The following PPFIBP2 variants were observed in gnomAD, a reference collection of about 807,000 sequenced individuals.
PPFIBP2 encodes PPFIB scaffold protein 2, also known as liprin-beta-2.
Under a neutral mutation model 118.3 loss-of-function variants are expected in PPFIBP2, and 118 were observed. The ratio of observed to expected loss-of-function variants is 1.00; its 90% CI spans 0.86 to 1.16. The LOEUF is 1.16. Ranked by LOEUF, PPFIBP2 falls within the 50% of genes most tolerant of loss-of-function variation. PPFIBP2 has a pLI of 0.00. For missense variants in PPFIBP2, 1,195 were observed against 1,073.1 expected, an observed-to-expected ratio of 1.11 and a Z score of -1.59; for synonymous variants, 414 against 397.4, an observed-to-expected ratio of 1.04 and a Z score of -0.50.
intron 7 of PPFIBP2, among the ~76,000 whole-genome samples, chr11:7,621,725 C>T (rs1311119607): frequency 6.6e-6 from 1 of 152,172 alleles, no homozygotes; most frequent in Non-Finnish European, 1.5e-5. Flanking sequence ...TTACATTAGG[C>T]TACAGTTAGG....
chr11:7,577,735 G>A (rs1564995638), intron 3 of PPFIBP2: 3 of 450,880 alleles, frequency 6.7e-6, no homozygotes, highest in Non-Finnish European at 8.9e-6. Context: ...GTGTGGTAGG[G>A]GGAGGTATTG....
intron 2 of PPFIBP2, among the ~76,000 whole-genome samples, chr11:7,561,585 G>A (rs1463638110): frequency 7.2e-5 from 11 of 151,970 alleles, no homozygotes; most frequent in Admixed American, 7.2e-4. Context: ...TTTTATTTTT[G>A]TGTATGGTGT....
At chr11:7,656,391 G>T (rs1854691365), downstream of PPFIBP2, among the ~76,000 whole-genome samples, 3 of 152,174 alleles carry the variant, frequency 2.0e-5, no homozygotes, top group Non-Finnish European at 4.4e-5. Flanking sequence ...GACAAAACAG[G>T]AAAGTCTCCC....
chr11:7,544,419 T>C (rs2134470967), intron 1 of PPFIBP2, among the ~76,000 whole-genome samples: 1 of 152,294 alleles, frequency 6.6e-6, no homozygotes, highest in African/African-American at 2.4e-5. Context: ...TGTTGATTCC[T>C]CTGTTGTCCA....
intron 1 of PPFIBP2, among the ~76,000 whole-genome samples, chr11:7,541,172 C>T (rs1011844697): frequency 2.0e-5 from 3 of 152,220 alleles, no homozygotes; most frequent in Admixed American, 6.5e-5. Context: ...ATGGCTAGAT[C>T]AGCCATAAAG....
At chr11:7,631,109 C>T (rs1850702304) in intron 11 of PPFIBP2, 81 bp downstream of exon 11, 1 of 1,029,660 alleles carries the variant, frequency 9.7e-7, no homozygotes. Context: ...TCTAGTCAGA[C>T]ACGTGTCAGG....
At chr11:7,549,644 T>C in intron 2 of PPFIBP2, 105 bp downstream of exon 2, 1 of 1,148,726 alleles carries the variant, frequency 8.7e-7, no homozygotes. Flanking sequence ...GAAAATCCCC[T>C]TTTGTTATAT....
chr11:7,517,169 G>A (rs1488698088), intron 1 of PPFIBP2, among the ~76,000 whole-genome samples: 1 of 152,160 alleles, frequency 6.6e-6, no homozygotes, highest in African/African-American at 2.4e-5. Context: ...AAGTGATGAA[G>A]ATTACTGTCC....
At chr11:7,581,005 C>T (rs933726891) in intron 3 of PPFIBP2, among the ~76,000 whole-genome samples, 8 of 152,202 alleles carry the variant, frequency 5.3e-5, no homozygotes, top group African/African-American at 1.9e-4. Context: ...ATATTGAAGA[C>T]CTAGAAAAGG....
intron 5 of PPFIBP2, 98 bp downstream of exon 5, chr11:7,597,771 C>G: frequency 9.9e-7 from 1 of 1,015,034 alleles, no homozygotes; most frequent in Non-Finnish European, 1.5e-6. Context: ...GTCTGCTTTC[C>G]CATCCTGCCT....
chr11:7,540,891 A>T (rs1851706480), intron 1 of PPFIBP2, among the ~76,000 whole-genome samples: 1 of 152,236 alleles, frequency 6.6e-6, no homozygotes, highest in South Asian at 2.1e-4. Flanking sequence ...GCTGGAAAGC[A>T]GTGCAGACAG....
At chr11:7,615,207 CA>C (rs1848488726) in intron 6 of PPFIBP2, among the ~76,000 whole-genome samples, 1 of 151,940 alleles carries the variant, frequency 6.6e-6, no homozygotes, top group South Asian at 2.1e-4. Context: ...CATGGTGGTA[CA>C]CACTTGTAGT....
chr11:7,526,609 C>T (rs562146302), intron 1 of PPFIBP2, among the ~76,000 whole-genome samples: 10 of 152,208 alleles, frequency 6.6e-5, no homozygotes, highest in East Asian at 1.9e-4. Flanking sequence ...CGGTGGCTCA[C>T]GCCTGTAATC....
At chr11:7,518,966 T>C (rs558733552) in intron 1 of PPFIBP2, among the ~76,000 whole-genome samples, 5 of 152,000 alleles carry the variant, frequency 3.3e-5, no homozygotes, top group African/African-American at 1.2e-4. Flanking sequence ...GGAGGACAGA[T>C]AGGGGCGTAA....
chr11:7,551,581 C>T (rs987376257), intron 2 of PPFIBP2, among the ~76,000 whole-genome samples: 6 of 152,126 alleles, frequency 3.9e-5, no homozygotes, highest in Non-Finnish European at 7.4e-5. Context: ...GTGTTGGCTA[C>T]CTTTTGCCTC....
At chr11:7,609,486 A>G (rs1213304615) in intron 5 of PPFIBP2, among the ~76,000 whole-genome samples, 1 of 152,184 alleles carries the variant, frequency 6.6e-6, no homozygotes, top group Non-Finnish European at 1.5e-5. Flanking sequence ...GAGGTCCTTT[A>G]TAATTCATAT....
At chr11:7,565,139 C>T (rs1854808184) in intron 2 of PPFIBP2, among the ~76,000 whole-genome samples, 2 of 152,332 alleles carry the variant, frequency 1.3e-5, no homozygotes, top group East Asian at 3.9e-4. Flanking sequence ...ATACATCAGT[C>T]CCAAAGGGTA....
intron 3 of PPFIBP2, 59 bp downstream of exon 3, chr11:7,565,826 G>T (rs747629300): frequency 6.4e-7 from 1 of 1,563,484 alleles, no homozygotes; most frequent in African/African-American, 1.4e-5. Flanking sequence ...GCAGCCCATG[G>T]AGTGCCACTG....
intron 5 of PPFIBP2, among the ~76,000 whole-genome samples, chr11:7,602,966 T>C (rs922697677): frequency 3.9e-5 from 6 of 152,218 alleles, no homozygotes; most frequent in African/African-American, 9.6e-5. Flanking sequence ...CTCAGAGTTA[T>C]AGTAAAGTTA....
Sources: allele counts gnomAD v4.1 joint callset (sites outside exome capture counted in the v4.1 genomes callset), GRCh38; gene constraint gnomAD v4.1.1; transcripts MANE v1.5; gene names NCBI Gene and HGNC (gene_info 2026-07-23, HGNC 2026-07-21).